CPEB1: variants seen among roughly 807,000 people sequenced by gnomAD.
The protein encoded by CPEB1 is cytoplasmic polyadenylation element binding protein 1, also known as cytoplasmic polyadenylation element-binding protein 1.
Under a neutral mutation model 65.8 loss-of-function variants are expected in CPEB1, and 7 were observed. The observed-to-expected ratio is 0.11, with a 90% confidence interval of 0.06 to 0.20. CPEB1 has a LOEUF of 0.20. Ranked by LOEUF, CPEB1 falls within the 10% of genes least tolerant of loss-of-function variation. The pLI is 1.00. For synonymous variants in CPEB1, 262 were observed against 260.0 expected (o/e 1.01, Z -0.08); for missense variants, 551 against 712.2 (o/e 0.77, Z 2.58).
At chr15:82,598,694 A>G (rs1471851346) in intron 3 of CPEB1, among the ~76,000 whole-genome samples, 2 of 152,130 alleles carry the variant, frequency 1.3e-5, no homozygotes, top group African/African-American at 2.4e-5. Context: ...CTGAGGCAGG[A>G]GAATCTTTTG....
intron 3 of CPEB1, among the ~76,000 whole-genome samples, chr15:82,609,638 T>TAA (rs796133111): frequency 2.9e-5 from 4 of 136,578 alleles, no homozygotes; most frequent in Admixed American, 7.3e-5. Context: ...AGAAAAACTA[T>TAA]AAAAAAAAAA....
rs972478026 is a variant in CPEB1 at position 82,570,092 on chromosome 15, G to C, written c.460+1252C>G. On this transcript the variant is annotated intron_variant, in intron 4 of 12. Transcript: ENST00000684509. ...CTTAACCCAGAGATAGTTACTTAAG[G>C]TAAAGCTCTCCCCATCCACATCCAC... Among the ~76,000 whole-genome samples the C allele has an allele frequency of 7.2e-5, 11 of 152,200 alleles. No individual in the cohort carries two copies. The East Asian group carries it at 1.9e-3, about 27-fold the overall frequency.
chr15:82,565,857 C>T (rs1234612743), intron 4 of CPEB1, among the ~76,000 whole-genome samples: 1 of 152,208 alleles, frequency 6.6e-6, no homozygotes, highest in Non-Finnish European at 1.5e-5. Flanking sequence ...ATGGGTAAGA[C>T]ATTGTGCTCT....
At chr15:82,573,488 A>G in intron 3 of CPEB1, among the ~76,000 whole-genome samples, 1 of 152,042 alleles carries the variant, frequency 6.6e-6, no homozygotes. Context: ...CCAAAACACA[A>G]TGCTTCCTTC....
chr15:82,613,858 C>T (rs1281431536), intron 3 of CPEB1, among the ~76,000 whole-genome samples: 4 of 152,128 alleles, frequency 2.6e-5, no homozygotes, highest in African/African-American at 4.8e-5. Context: ...TCTACCACCC[C>T]GCCCCGCTCC....
At chr15:82,639,301 T>C (rs1170813552) in intron 1 of CPEB1, among the ~76,000 whole-genome samples, 2 of 152,320 alleles carry the variant, frequency 1.3e-5, no homozygotes, top group East Asian at 3.9e-4. Context: ...TATCTGTACA[T>C]ACCGGAGCAA....
chr15:82,603,574 T>A (rs1305203597), intron 3 of CPEB1, among the ~76,000 whole-genome samples: 1 of 151,698 alleles, frequency 6.6e-6, no homozygotes, highest in Non-Finnish European at 1.5e-5. Context: ...TCTCTCCTGG[T>A]TAACCTTGAG....
chr15:82,646,796 C>G (rs1365284483), intron 1 of CPEB1, among the ~76,000 whole-genome samples: 2 of 152,156 alleles, frequency 1.3e-5, no homozygotes, highest in East Asian at 3.9e-4. Context: ...GGGAATGACG[C>G]CGGGTGGGAC....
At chr15:82,642,769 A>C (rs1377358075) in intron 1 of CPEB1, among the ~76,000 whole-genome samples, 1 of 152,180 alleles carries the variant, frequency 6.6e-6, no homozygotes. Context: ...GGAAAAGCAC[A>C]TTTGCAGAAC....
chr15:82,627,465 G>GT, intron 2 of CPEB1, 98 bp from the exon 3 acceptor site: 1 of 902,336 alleles, frequency 1.1e-6, no homozygotes, highest in East Asian at 2.7e-5. Flanking sequence ...AAGGACTTAA[G>GT]TATCTTCTTT....
At chr15:82,610,060 CAAAA>C (rs34626642) in intron 3 of CPEB1, among the ~76,000 whole-genome samples, 1 of 106,334 alleles carries the variant, frequency 9.4e-6, no homozygotes, top group Admixed American at 1.0e-4. Context: ...ACCTCCGTGG[CAAAA>C]AAAAAAAAAA....
At chr15:82,584,572 A>G (rs1386438317) in intron 3 of CPEB1, among the ~76,000 whole-genome samples, 8 of 150,548 alleles carry the variant, frequency 5.3e-5, no homozygotes, top group Admixed American at 2.0e-4. Flanking sequence ...CAGCTACTCT[A>G]GAGGCTGAGG....
intron 3 of CPEB1, among the ~76,000 whole-genome samples, chr15:82,574,533 C>T (rs562989512): frequency 5.9e-5 from 9 of 152,026 alleles, no homozygotes; most frequent in Admixed American, 3.3e-4. Flanking sequence ...GTCTGGCCAA[C>T]GTGGTGAAAA....
chr15:82,543,766 T>C lies in CPEB1; in HGVS notation c.*826A>G, dbSNP rs1315111568. 1 of 152,130 alleles carries C rather than the reference T, an allele frequency of 6.6e-6. No individual in the cohort carries two copies. The highest frequency in any genetic ancestry group is 1.5e-5 in the Non-Finnish European group (1 of 68,008). The allele number at this position is 152,130 out of a possible 1,614,324, so 9.4% of individuals were successfully genotyped here. The stretch of plus-strand genomic sequence containing the variant: ...AGGTGCAATAAACCATTTAAAACTA[T>C]ATACAGCAGCCGCTCAAACACCGTT... On this transcript the variant is annotated 3_prime_UTR_variant, in exon 13 of 13. Transcript: ENST00000684509.
chr15:82,596,419 T>C (rs1479661996), intron 3 of CPEB1, among the ~76,000 whole-genome samples: 1 of 152,154 alleles, frequency 6.6e-6, no homozygotes, highest in African/African-American at 2.4e-5. Flanking sequence ...AAAATGTTCA[T>C]TACAGGACAG....
chr15:82,571,373 T>A lies in CPEB1; in HGVS notation c.431A>T (p.Asp144Val). 1.2e-6 allele frequency: 2 copies of A among 1,614,098 alleles called. No homozygotes were observed. The highest frequency in any genetic ancestry group is 1.7e-6 in the Non-Finnish European group (2 of 1,180,000). The change falls in exon 4 of 13, where the codon GAT becomes GTT. Residue 144 changes from aspartate to valine, a missense_variant. Asp to Val is a radical substitution (Grantham distance 152, BLOSUM62 -3). Around this residue, in one of 6 missense-constraint regions of CPEB1, gnomAD observed 223 missense variants for 228.6 expected, o/e 0.98. Transcript: ENST00000684509. ...GTGTGTGCTGCTCTGGGCTGAGGAATCTGAGTCCTGGGTGCTCCAGGGTCG... is the reference window on the plus strand; with the variant it reads ...GTGTGTGCTGCTCTGGGCTGAGGAAACTGAGTCCTGGGTGCTCCAGGGTCG... ...WDRPWSTQDSDSSAQSSTHSV... is the reference protein window; with the variant it reads ...WDRPWSTQDSVSSAQSSTHSV...
intron 10 of CPEB1, chr15:82,548,857 TCA>T (rs1010410020): frequency 8.4e-5 from 29 of 343,718 alleles, no homozygotes; most frequent in African/African-American, 6.3e-4. Flanking sequence ...CACATGTTAA[TCA>T]CAGAGGTCAG....
intron 1 of CPEB1, chr15:82,629,374 CATT>C: frequency 2.0e-6 from 2 of 985,154 alleles, no homozygotes; most frequent in Non-Finnish European, 2.4e-6. Context: ...TCTATGTGGT[CATT>C]ATTAGTACAT....
intron 3 of CPEB1, among the ~76,000 whole-genome samples, chr15:82,618,902 T>G (rs757873192): frequency 8.7e-4 from 132 of 152,134 alleles, no homozygotes; most frequent in Non-Finnish European, 1.5e-3. Flanking sequence ...TTCAACGCAA[T>G]CCCAATCAAA....
Sources: allele counts gnomAD v4.1 joint callset (sites outside exome capture counted in the v4.1 genomes callset), GRCh38; gene constraint gnomAD v4.1.1; regional missense constraint gnomAD v4.1.1; transcripts MANE v1.5; gene names NCBI Gene and HGNC (gene_info 2026-07-23, HGNC 2026-07-21).